Variants in IL1RAPL1 observed in about 807,000 individuals in gnomAD.
IL1RAPL1 encodes the protein interleukin 1 receptor accessory protein like 1, also known as interleukin-1 receptor accessory protein-like 1.
A neutral mutation model predicts 48.4 loss-of-function variants in IL1RAPL1; 3 were observed. The ratio of observed to expected loss-of-function variants is 0.06; its 90% confidence interval spans 0.03 to 0.16. The LOEUF (loss-of-function observed/expected upper bound fraction) is 0.16. Among genes scored for constraint, IL1RAPL1 ranks in the 10% least tolerant of loss-of-function variants. IL1RAPL1 has a pLI of 1.00. For missense variants in IL1RAPL1, 349 were observed against 530.6 expected (o/e 0.66, Z 3.36); for synonymous variants, 185 against 187.7 (o/e 0.99, Z 0.12).
rs1034743143 is a variant in IL1RAPL1 at position 28,959,222 on chromosome X, G to A, written c.82+169797G>A. On this transcript the variant is annotated intron_variant, in intron 2 of 10. Transcript: ENST00000378993. ...TCTTATTTAAAATAAAATGCAGATCGTTCAGTACAAACTATTCATAACTTG... is the reference window on the plus strand; with the variant it reads ...TCTTATTTAAAATAAAATGCAGATCATTCAGTACAAACTATTCATAACTTG... Among the ~76,000 whole-genome samples the A allele has an allele frequency of 4.8e-4, 53 of 111,186 alleles. 1 individual carries two copies. The highest frequency in any genetic ancestry group is 3.3e-3 in the Admixed American group (34 of 10,415).
At chrX:29,580,168 C>T (rs6526895) in intron 5 of IL1RAPL1, among the ~76,000 whole-genome samples, 51,503 of 104,928 alleles carry the variant, frequency 0.49, 10,167 homozygotes, top group African/African-American at 0.7. Flanking sequence ...ACGTGCATTA[C>T]GTTAGGTACT....
intron 2 of IL1RAPL1, among the ~76,000 whole-genome samples, chrX:28,981,090 CAAAAAAAAAAAAAAAAAAAAAAAAA>C (rs57824632): frequency 0.025 from 596 of 24,317 alleles, 22 homozygotes; most frequent in African/African-American, 0.11. Flanking sequence ...GACCCTGTCT[CAAAAAAAAAAAAAAAAAAAAAAAAA>C]AAAAAAAAAA....
At chrX:29,290,750 T>G (rs916586315) in intron 3 of IL1RAPL1, among the ~76,000 whole-genome samples, 13 of 111,796 alleles carry the variant, frequency 1.2e-4, no homozygotes, top group African/African-American at 3.9e-4. Context: ...GTTTCTCTAT[T>G]ATTTCTGAGG....
intron 1 of IL1RAPL1, among the ~76,000 whole-genome samples, chrX:28,704,833 A>C (rs557377949): frequency 0.016 from 1,326 of 82,531 alleles, 8 homozygotes; most frequent in Admixed American, 0.024. Context: ...CACACACACA[A>C]AAAAAAAAAA....
At position 29,629,473 on chromosome X, in the gene IL1RAPL1, A is replaced by G. The variant is rs1425412527; in HGVS notation, c.704-38957A>G. On this transcript the variant is annotated intron_variant, in intron 5 of 10. Coordinates refer to ENST00000378993, the MANE Select transcript of IL1RAPL1 (RefSeq NM_014271.4). ...ATATAGAAAAGATTATAAAGTTTGT[A>G]TTCCATGAGATTTTGCAATTTACTC... Among the ~76,000 whole-genome samples, 5 of 111,737 alleles carry G rather than the reference A, an allele frequency of 4.5e-5. No individual in the cohort carries two copies. The East Asian group carries it at 1.4e-3, about 31-fold the overall frequency.
At chrX:29,153,107 T>TTTCTTATC (rs775671867) in intron 2 of IL1RAPL1, among the ~76,000 whole-genome samples, 1 of 111,842 alleles carries the variant, frequency 8.9e-6, no homozygotes, top group South Asian at 3.8e-4. Context: ...ACTGTCTACA[T>TTTCTTATC]TTCTTATCTC....
chrX:29,061,748 C>G (rs1389460740), intron 2 of IL1RAPL1, among the ~76,000 whole-genome samples: 1 of 112,627 alleles, frequency 8.9e-6, no homozygotes, highest in East Asian at 2.8e-4. Context: ...CGTGAGCCAC[C>G]GCTCCTGGCC....
At chrX:28,704,537 A>C (rs1748021849) in intron 1 of IL1RAPL1, among the ~76,000 whole-genome samples, 1 of 107,949 alleles carries the variant, frequency 9.3e-6, no homozygotes, top group Admixed American at 1.0e-4. Context: ...TCCAACATAA[A>C]GGTCACTTCT....
chrX:28,905,494 A>C (rs926764491), intron 2 of IL1RAPL1, among the ~76,000 whole-genome samples: 1 of 111,927 alleles, frequency 8.9e-6, no homozygotes, highest in Non-Finnish European at 1.9e-5. Flanking sequence ...AATCTACCAA[A>C]GATTTAACAA....
intron 2 of IL1RAPL1, among the ~76,000 whole-genome samples, chrX:29,139,652 G>A (rs949655382): frequency 9.0e-6 from 1 of 111,139 alleles, no homozygotes; most frequent in South Asian, 3.7e-4. Context: ...GCTCTCTATG[G>A]TTCTGTGTAT....
chrX:29,799,256 A>C (rs781128192), intron 6 of IL1RAPL1, among the ~76,000 whole-genome samples: 3 of 112,437 alleles, frequency 2.7e-5, no homozygotes, highest in African/African-American at 9.7e-5. Context: ...GTTTCGTTAT[A>C]CTTTTCTTGA....
intron 1 of IL1RAPL1, among the ~76,000 whole-genome samples, chrX:28,773,143 A>G (rs944607347): frequency 9.0e-6 from 1 of 110,568 alleles, no homozygotes; most frequent in Non-Finnish European, 1.9e-5. Flanking sequence ...GTGTGATCAT[A>G]GCACACTGCA....
chrX:28,607,026 C>T (rs764462103), intron 1 of IL1RAPL1, among the ~76,000 whole-genome samples: 81 of 110,131 alleles, frequency 7.4e-4, no homozygotes, highest in Non-Finnish European at 1.4e-3. Context: ...ATAGTTATAA[C>T]GGAAAGTCTT....
chrX:29,930,652 AAAAT>A (rs1193127567), intron 8 of IL1RAPL1, among the ~76,000 whole-genome samples: 15 of 111,992 alleles, frequency 1.3e-4, no homozygotes, highest in African/African-American at 4.5e-4. Context: ...GAAAAGTGAG[AAAAT>A]AAATCTATTT....
chrX:28,592,325 A>T (rs1933914588), intron 1 of IL1RAPL1, among the ~76,000 whole-genome samples: 1 of 111,821 alleles, frequency 8.9e-6, no homozygotes, highest in South Asian at 3.8e-4. Context: ...ATGTACACAA[A>T]CTTGATGCTA....
chrX:29,495,625 G>C (rs1200292499), intron 5 of IL1RAPL1, among the ~76,000 whole-genome samples: 1 of 111,234 alleles, frequency 9.0e-6, no homozygotes, highest in Non-Finnish European at 1.9e-5. Flanking sequence ...ATAACCCAGT[G>C]ATCACTATTG....
At chrX:29,810,514 C>G (rs1257814329) in intron 6 of IL1RAPL1, among the ~76,000 whole-genome samples, 1 of 111,861 alleles carries the variant, frequency 8.9e-6, no homozygotes, top group Non-Finnish European at 1.9e-5. Context: ...TATCCTTTTT[C>G]AGATTCATTA....
At chrX:29,471,204 G>C (rs1332149387) in intron 5 of IL1RAPL1, among the ~76,000 whole-genome samples, 1 of 111,216 alleles carries the variant, frequency 9.0e-6, no homozygotes, top group Non-Finnish European at 1.9e-5. Flanking sequence ...GAAGGGGAAA[G>C]AGCAAATAGG....
chrX:28,891,398 A>G (rs1259030931), intron 2 of IL1RAPL1, among the ~76,000 whole-genome samples: 1 of 112,192 alleles, frequency 8.9e-6, no homozygotes, highest in African/African-American at 3.2e-5. Flanking sequence ...ATAGAGTTGC[A>G]TAAGCATCAC....
Sources: allele counts gnomAD v4.1 joint callset (sites outside exome capture counted in the v4.1 genomes callset), GRCh38; gene constraint gnomAD v4.1.1; transcripts MANE v1.5; gene names NCBI Gene and HGNC (gene_info 2026-07-23, HGNC 2026-07-21).